Variants in NMNAT3 observed in about 807,000 individuals in gnomAD.
The protein encoded by NMNAT3 is nicotinamide nucleotide adenylyltransferase 3.
NMNAT3 carries 21 observed loss-of-function variants against 24.8 expected under a neutral mutation model. The observed-to-expected ratio is 0.85, with a 90% CI of 0.60 to 1.22. The LOEUF (loss-of-function observed/expected upper bound fraction) is 1.22, where lower values mean the gene tolerates loss of function less well. Ranked by LOEUF, NMNAT3 falls within the 50% of genes most tolerant of loss-of-function variation. The probability of loss-of-function intolerance (pLI) is 0.00; values close to 1 mark genes in which losing one functional copy is unlikely to be tolerated. For synonymous variants in NMNAT3, 136 were observed against 155.2 expected, an observed-to-expected ratio of 0.88 and a Z score of 0.92; for missense variants, 387 against 436.6, an observed-to-expected ratio of 0.89 and a Z score of 1.01.
intron 3 of NMNAT3, among the ~76,000 whole-genome samples, chr3:139,588,158 C>G (rs2054017010): frequency 6.6e-6 from 1 of 152,178 alleles, no homozygotes; most frequent in African/African-American, 2.4e-5. Flanking sequence ...CTCAGGCCCT[C>G]CCCCACTAGA....
intron 1 of NMNAT3, among the ~76,000 whole-genome samples, chr3:139,648,144 A>G (rs375499656): frequency 1.3e-5 from 2 of 152,134 alleles, no homozygotes; most frequent in East Asian, 3.9e-4. Flanking sequence ...GGTTTTCCCT[A>G]CGTTGTCCTT....
intron 1 of NMNAT3, among the ~76,000 whole-genome samples, chr3:139,644,950 TC>T (rs1260609973): frequency 6.6e-6 from 1 of 152,142 alleles, no homozygotes; most frequent in Non-Finnish European, 1.5e-5. Flanking sequence ...ACACCTGTAA[TC>T]CCAGTACTTT....
chr3:139,677,052 C>A (rs1245510092), intron 1 of NMNAT3, among the ~76,000 whole-genome samples: 2 of 152,188 alleles, frequency 1.3e-5, no homozygotes, highest in African/African-American at 4.8e-5. Flanking sequence ...GCCCCACCAA[C>A]CCTCCTTTCC....
At chr3:139,654,443 T>C (rs2057168727) in intron 1 of NMNAT3, among the ~76,000 whole-genome samples, 1 of 152,228 alleles carries the variant, frequency 6.6e-6, no homozygotes, top group Non-Finnish European at 1.5e-5. Context: ...AACTGATTCA[T>C]TAATGAAACT....
intron 2 of NMNAT3, chr3:139,634,237 G>A (rs2056415149): frequency 6.6e-6 from 1 of 152,240 alleles, no homozygotes; most frequent in Non-Finnish European, 1.5e-5. Flanking sequence ...TCATCGCTTG[G>A]GAGGCAGTCA....
intron 3 of NMNAT3, among the ~76,000 whole-genome samples, chr3:139,596,175 G>A (rs1356610265): frequency 6.6e-6 from 1 of 152,060 alleles, no homozygotes; most frequent in Non-Finnish European, 1.5e-5. Context: ...TGTCCCTTAT[G>A]GGCTGCTGGG....
chr3:139,629,644 G>A (rs1200132228), intron 2 of NMNAT3, among the ~76,000 whole-genome samples: 1 of 152,094 alleles, frequency 6.6e-6, no homozygotes, highest in African/African-American at 2.4e-5. Flanking sequence ...AGGAACCTGG[G>A]ACCCTGCTTA....
At chr3:139,585,896 G>A (rs2053917960) in intron 3 of NMNAT3, among the ~76,000 whole-genome samples, 1 of 152,134 alleles carries the variant, frequency 6.6e-6, no homozygotes, top group African/African-American at 2.4e-5. Flanking sequence ...GCTGAATGTA[G>A]GGGAAGTCAA....
intron 3 of NMNAT3, among the ~76,000 whole-genome samples, chr3:139,591,508 TG>T (rs2054178072): frequency 6.6e-6 from 1 of 152,152 alleles, no homozygotes; most frequent in Non-Finnish European, 1.5e-5. Context: ...GCTCCACCTC[TG>T]GGGGCAGGGT....
intron 5 of NMNAT3, among the ~76,000 whole-genome samples, chr3:139,578,140 C>A (rs560469728): frequency 2.0e-5 from 3 of 152,194 alleles, no homozygotes; most frequent in Admixed American, 1.3e-4. Flanking sequence ...AGAGGTGGGA[C>A]TTCCTGCTTC....
chr3:139,652,211 G>A (rs1261553878), intron 1 of NMNAT3, among the ~76,000 whole-genome samples: 3 of 152,166 alleles, frequency 2.0e-5, no homozygotes, highest in African/African-American at 4.8e-5. Flanking sequence ...GCAGCAGCCC[G>A]GGGCTGTAAT....
chr3:139,611,253 G>T (rs1227351545), intron 3 of NMNAT3, among the ~76,000 whole-genome samples: 1 of 152,130 alleles, frequency 6.6e-6, no homozygotes, highest in African/African-American at 2.4e-5. Flanking sequence ...AACCTGTCTG[G>T]TCATGGCCAC....
intron 3 of NMNAT3, among the ~76,000 whole-genome samples, chr3:139,607,234 C>A (rs2054987879): frequency 1.3e-5 from 2 of 152,100 alleles, no homozygotes; most frequent in South Asian, 2.1e-4. Context: ...CTAAAACTAT[C>A]CATCTGTATA....
chr3:139,563,311 G>C (rs143306986), intron 6 of NMNAT3, among the ~76,000 whole-genome samples: 2 of 152,240 alleles, frequency 1.3e-5, no homozygotes, highest in East Asian at 3.9e-4. Context: ...AACAGTGTTT[G>C]GTCTTTCAAA....
intron 3 of NMNAT3, among the ~76,000 whole-genome samples, chr3:139,608,435 A>C (rs2055043087): frequency 6.6e-6 from 1 of 152,216 alleles, no homozygotes; most frequent in African/African-American, 2.4e-5. Flanking sequence ...TTTGAGGATG[A>C]ATTGGCTATT....
chr3:139,562,683 A>G (rs1936585859), intron 6 of NMNAT3, among the ~76,000 whole-genome samples: 1 of 152,196 alleles, frequency 6.6e-6, no homozygotes, highest in Non-Finnish European at 1.5e-5. Context: ...ATGGAAAGTG[A>G]GAGACTGGAG....
intron 1 of NMNAT3, among the ~76,000 whole-genome samples, chr3:139,647,904 C>A (rs867078964): frequency 6.6e-6 from 1 of 152,196 alleles, no homozygotes; most frequent in African/African-American, 2.4e-5. Flanking sequence ...CTCACAGACA[C>A]GTTGGAAGGA....
At chr3:139,617,035 T>A (rs2055538816) in intron 3 of NMNAT3, among the ~76,000 whole-genome samples, 1 of 152,214 alleles carries the variant, frequency 6.6e-6, no homozygotes, top group Non-Finnish European at 1.5e-5. Flanking sequence ...CTGAATCCCC[T>A]GACTCCAGCG....
At chr3:139,561,617 A>G (rs72990631) in intron 6 of NMNAT3, among the ~76,000 whole-genome samples, 572 of 152,334 alleles carry the variant, frequency 3.8e-3, no homozygotes, top group African/African-American at 0.013. Flanking sequence ...TTAATATTGG[A>G]AAAGTGCCAA....
Sources: gnomAD v4.1 joint callset for allele counts (sites outside exome capture counted in the v4.1 genomes callset) on GRCh38, gnomAD v4.1.1 for gene constraint, MANE v1.5 for transcripts, NCBI Gene and HGNC (gene_info 2026-07-23, HGNC 2026-07-21) for gene names.